PLEKHA8: variants seen among roughly 807,000 people sequenced by gnomAD.
PLEKHA8 encodes the protein pleckstrin homology domain containing A8, also known as pleckstrin homology domain-containing family A member 8.
A neutral mutation model predicts 68.2 loss-of-function variants in PLEKHA8; 36 were observed. That is an observed-to-expected ratio of 0.53 (90% CI 0.40 to 0.70). The LOEUF (loss-of-function observed/expected upper bound fraction) is 0.70, where lower values mean the gene tolerates loss of function less well. Among genes scored for constraint, PLEKHA8 ranks in the 30% least tolerant of loss-of-function variants. PLEKHA8 has a pLI of 0.00. For synonymous variants in PLEKHA8, 211 were observed against 216.1 expected (o/e 0.98, Z 0.20); for missense variants, 505 against 615.4 (o/e 0.82, Z 1.90).
chr7:30,108,098 A>G (rs1035663346), intron 13 of PLEKHA8, among the ~76,000 whole-genome samples: 3 of 150,618 alleles, frequency 2.0e-5, no homozygotes, highest in African/African-American at 7.3e-5. Flanking sequence ...AAAAACCTAC[A>G]TTCATTGACA....
At chr7:30,062,372 G>A (rs575371446) in intron 11 of PLEKHA8, among the ~76,000 whole-genome samples, 2 of 152,086 alleles carry the variant, frequency 1.3e-5, no homozygotes, top group South Asian at 2.1e-4. Flanking sequence ...TCAGTAACTC[G>A]GGTGGGGCCC....
Position 30,050,466 on chromosome 7 carries a change from A to T in PLEKHA8, c.630A>T (p.Ser210=), listed in dbSNP as rs1037638902. 5 of 1,577,178 alleles carry T rather than the reference A, an allele frequency of 3.2e-6. No homozygotes were observed. Among genetic ancestry groups the T allele is most frequent in the Non-Finnish European group, 4.3e-6 (5 of 1,165,080 alleles). Residue 210 remains serine, a synonymous_variant, in exon 6 of 14, where the codon TCA becomes TCT. Transcript: ENST00000449726. ...MKHPIIPIHN[S]LERQMELSTC... ...ATCCTATTATACCAATTCATAATTC[A>T]TTGGAAAGGTACAGTAGCTTTTTTC...
intron 13 of PLEKHA8, among the ~76,000 whole-genome samples, chr7:30,113,230 G>A (rs1428718815): frequency 6.6e-6 from 1 of 152,182 alleles, no homozygotes; most frequent in Non-Finnish European, 1.5e-5. Context: ...CCTTCTGGAA[G>A]TAAAATGTTC....
At chr7:30,034,298 T>G (rs1412852549) in intron 1 of PLEKHA8, among the ~76,000 whole-genome samples, 1 of 152,052 alleles carries the variant, frequency 6.6e-6, no homozygotes, top group African/African-American at 2.4e-5. Flanking sequence ...TGTGAGCCAC[T>G]GTGCCCGGCC....
At position 30,119,852 on chromosome 7, in the gene PLEKHA8, T is replaced by A. The variant is rs569009257; in HGVS notation, c.1363-9414T>A. Among the ~76,000 whole-genome samples, 379 of 152,328 alleles carry A rather than the reference T, an allele frequency of 2.5e-3. 2 individuals carry two copies. Among genetic ancestry groups the A allele is most frequent in the Non-Finnish European group, 4.6e-3 (310 of 68,024 alleles). On this transcript the variant is annotated intron_variant, in intron 13 of 13. Coordinates refer to the PLEKHA8 transcript ENST00000396257. ...GCCTGTTGTCACAGTCTTTAGGATG[T>A]ATTTATGTGCTCTGATCTTCTGGCC...
At chr7:30,095,369 G>A (rs1460716293), downstream of PLEKHA8, among the ~76,000 whole-genome samples, 15 of 152,178 alleles carry the variant, frequency 9.9e-5, no homozygotes, top group Admixed American at 6.5e-5. Flanking sequence ...TTTTAATGGG[G>A]TTGTTTGTTT....
chr7:30,102,055 A>G (rs998860158), intron 13 of PLEKHA8, among the ~76,000 whole-genome samples: 42 of 152,254 alleles, frequency 2.8e-4, no homozygotes, highest in African/African-American at 9.9e-4. Flanking sequence ...ACTGGTATCT[A>G]GAATCTACAA....
At chr7:30,104,403 A>T (rs913041162) in intron 13 of PLEKHA8, among the ~76,000 whole-genome samples, 2 of 152,184 alleles carry the variant, frequency 1.3e-5, no homozygotes, top group Admixed American at 6.5e-5. Flanking sequence ...CTATCTGTTG[A>T]TAGGCAAACT....
chr7:30,069,736 AG>A (rs1794112181), intron 12 of PLEKHA8: 1 of 152,188 alleles, frequency 6.6e-6, no homozygotes, highest in Non-Finnish European at 1.5e-5. Context: ...GAGTGTCCCC[AG>A]GTCTCATTGC....
intron 2 of PLEKHA8, 118 bp downstream of exon 2, chr7:30,045,319 A>G (rs909686848): frequency 2.8e-6 from 2 of 704,758 alleles, no homozygotes; most frequent in Non-Finnish European, 4.7e-6. Context: ...ACCAAGGGAC[A>G]TAGTGTTATG....
chr7:30,117,522 T>G (rs1796603880), intron 13 of PLEKHA8, among the ~76,000 whole-genome samples: 1 of 151,938 alleles, frequency 6.6e-6, no homozygotes, highest in South Asian at 2.1e-4. Context: ...CTGGGCAACA[T>G]AGTGAGACCT....
intron 12 of PLEKHA8, chr7:30,072,178 A>G (rs1306249353): frequency 3.9e-5 from 6 of 152,238 alleles, no homozygotes; most frequent in Admixed American, 1.3e-4. Flanking sequence ...AGTCTTCTTC[A>G]TACTTGAATG....
chr7:30,077,308 T>C (rs762333425), intron 13 of PLEKHA8, among the ~76,000 whole-genome samples: 2 of 152,052 alleles, frequency 1.3e-5, no homozygotes, highest in Non-Finnish European at 2.9e-5. Context: ...TTCATTATGC[T>C]GAGCACTTGA....
At chr7:30,064,143 T>C (rs956305400) in intron 12 of PLEKHA8, among the ~76,000 whole-genome samples, 3 of 152,278 alleles carry the variant, frequency 2.0e-5, no homozygotes, top group Non-Finnish European at 2.9e-5. Flanking sequence ...ATTTAACCTC[T>C]CTGATCCTCA....
At chr7:30,056,185 C>T (rs544572370) in intron 9 of PLEKHA8, among the ~76,000 whole-genome samples, 29 of 149,874 alleles carry the variant, frequency 1.9e-4, no homozygotes, top group African/African-American at 4.6e-4. Context: ...CCTCGTGATC[C>T]GCCTGCCTTG....
chr7:30,118,088 C>A, intron 13 of PLEKHA8: 1 of 1,388,526 alleles, frequency 7.2e-7, no homozygotes, highest in African/African-American at 1.5e-5. Context: ...ATCTGGGTGA[C>A]GCCTCTCTCC....
intron 1 of PLEKHA8, among the ~76,000 whole-genome samples, chr7:30,036,743 CCAG>C (rs1791129696): frequency 6.6e-6 from 1 of 152,206 alleles, no homozygotes; most frequent in African/African-American, 2.4e-5. Flanking sequence ...GGTAGACTCT[CCAG>C]TAGTCTGTCA....
At chr7:30,060,519 C>T (rs893888831) in intron 9 of PLEKHA8, among the ~76,000 whole-genome samples, 5 of 152,120 alleles carry the variant, frequency 3.3e-5, no homozygotes, top group South Asian at 2.1e-4. Flanking sequence ...TAATCTGGTA[C>T]GTATTTTACT....
At chr7:30,065,575 A>G (rs934408221) in intron 12 of PLEKHA8, among the ~76,000 whole-genome samples, 4 of 152,310 alleles carry the variant, frequency 2.6e-5, no homozygotes, top group Admixed American at 6.5e-5. Flanking sequence ...CCCAGCCTTC[A>G]TAAGTAGAAC....
Sources: gnomAD v4.1 joint callset for allele counts (sites outside exome capture counted in the v4.1 genomes callset) on GRCh38, gnomAD v4.1.1 for gene constraint, MANE v1.5 for transcripts, NCBI Gene and HGNC (gene_info 2026-07-23, HGNC 2026-07-21) for gene names.